The following FLOT2 variants were observed in gnomAD, a reference collection of about 807,000 sequenced individuals.
FLOT2 encodes the protein flotillin 2, also known as flotillin-2.
FLOT2 carries 35 observed loss-of-function variants against 54.9 expected under a neutral mutation model. That is an observed-to-expected ratio of 0.64 (90% CI 0.49 to 0.84). The LOEUF is 0.84. Among genes scored for constraint, FLOT2 ranks in the 40% least tolerant of loss-of-function variants. FLOT2 has a pLI of 0.00. For missense variants in FLOT2, 464 were observed against 572.1 expected, an observed-to-expected ratio of 0.81 and a Z score of 1.93; for synonymous variants, 207 against 228.9, an observed-to-expected ratio of 0.90 and a Z score of 0.86.
intron 1 of FLOT2, among the ~76,000 whole-genome samples, chr17:28,891,651 G>A (rs1012145505): frequency 5.9e-5 from 9 of 152,220 alleles, no homozygotes; most frequent in African/African-American, 2.2e-4. Flanking sequence ...CTTCAAATGA[G>A]GCTGGTATGA....
chr17:28,895,410 C>T (rs748841978), intron 1 of FLOT2, among the ~76,000 whole-genome samples: 1 of 151,818 alleles, frequency 6.6e-6, no homozygotes, highest in African/African-American at 2.4e-5. Context: ...TACAAGCGTG[C>T]ATCACTATGC....
In FLOT2 at chr17:28,882,346, T is replaced by C. The variant is rs1231708523; in HGVS notation, c.570A>G (p.Ala190=). 1.9e-6 allele frequency: 3 copies of C among 1,613,828 alleles called. No homozygotes were observed. In the African/African-American group the frequency reaches 4.0e-5, roughly 22 times the overall value. Residue 190 remains alanine (A), a synonymous_variant, in exon 6 of 11, where the codon GCA becomes GCG. Transcript: ENST00000394908. The surrounding 1 kb of genome is among the most constrained non-coding windows in gnomAD (Gnocchi z 5.6). ...CCTTGAACCCACATACCCGGATGCCTGCGTCCCGTTCAGCCTCGGCCACGC... is the reference window on the plus strand; with the variant it reads ...CCTTGAACCCACATACCCGGATGCCCGCGTCCCGTTCAGCCTCGGCCACGC... ...DIGVAEAERD[A]GIREAECKKE...
At chr17:28,885,644 G>A in intron 2 of FLOT2, 1 of 717,548 alleles carries the variant, frequency 1.4e-6, no homozygotes, top group Non-Finnish European at 2.6e-6. Flanking sequence ...AGAATCCCTT[G>A]CTGTTTCCCC....
In FLOT2 at chr17:28,884,924, T is replaced by A. The variant is rs1328163049; in HGVS notation, c.132-609A>T. Among the ~76,000 whole-genome samples, 1 of 152,156 alleles carries A rather than the reference T, an allele frequency of 6.6e-6. No homozygotes were observed. Among genetic ancestry groups the A allele is most frequent in the Non-Finnish European group, 1.5e-5 (1 of 68,010 alleles). ...TTGACTTGAAACCCATGTCTGGTAT[T>A]AGGCCCAGGTGGGTCACATGGGGAA... On this transcript the variant is annotated intron_variant, in intron 2 of 10. Coordinates refer to ENST00000394908, the MANE Select transcript of FLOT2 (RefSeq NM_004475.3). This position sits in a 1 kb window ranked among gnomAD's most constrained non-coding sequence, Gnocchi z 5.1.
rs944737263 is a variant in FLOT2 at position 28,897,611 on chromosome 17, G to C, written c.-37C>G. On this transcript the variant is annotated 5_prime_UTR_variant, in exon 1 of 11. Coordinates refer to ENST00000394908, the MANE Select transcript of FLOT2 (RefSeq NM_004475.3). The surrounding 1 kb of genome is among the most constrained non-coding windows in gnomAD (Gnocchi z 4.4). ...CACGGAGGGCCCTCGGGACCGCACA[G>C]ACCCGGACAACAGCAGCGGGTCTGC... 9 of 1,525,878 alleles carry C rather than the reference G, an allele frequency of 5.9e-6. No homozygotes were observed. Among genetic ancestry groups the C allele is most frequent in the Admixed American group, 4.1e-5 (2 of 48,990 alleles). 94.5% of individuals were successfully genotyped at this position (1,525,878 alleles called of 1,614,324 possible).
chr17:28,883,144 G>GGAC lies in FLOT2; in HGVS notation c.307_309dup (p.Val103dup), dbSNP rs1277979883. 1.2e-6 allele frequency: 2 copies of GGAC among 1,614,156 alleles called. No homozygotes were observed. Among genetic ancestry groups the GGAC allele is most frequent in the Non-Finnish European group, 1.7e-6 (2 of 1,180,016 alleles). Reference sequence around the variant, plus strand: ...CGCAGATGTCCCTCCAGGGTCTGCAGGACGACGTTTTTGATGTCCTGCACA... The same window carrying GGAC: ...CGCAGATGTCCCTCCAGGGTCTGCAGGACGACGACGTTTTTGATGTCCTGCACA... On this transcript the variant is annotated inframe_insertion, in exon 4 of 11. Coordinates refer to ENST00000394908, the MANE Select transcript of FLOT2 (RefSeq NM_004475.3). The surrounding 1 kb of genome is among the most constrained non-coding windows in gnomAD (Gnocchi z 5.0).
In FLOT2 at chr17:28,884,087, C is replaced by T; in HGVS notation, c.222+138G>A. On this transcript the variant is annotated intron_variant, in intron 3 of 10. Transcript: ENST00000394908. The surrounding 1 kb of genome is among the most constrained non-coding windows in gnomAD (Gnocchi z 5.1). ...TTCCAGTGGCGACGACCTGACTAGC[C>T]CTCTCTTGTGGGACTTGCGGGGGCT... 2.8e-6 allele frequency: 2 copies of T among 716,660 alleles called. No homozygotes were observed. Among genetic ancestry groups the T allele is most frequent in the Non-Finnish European group, 4.9e-6 (2 of 404,104 alleles). The allele number at this position is 716,660 out of a possible 1,614,324, so 44.4% of individuals were successfully genotyped here. A position where few individuals can be genotyped will look rare whatever the true frequency, so the allele number is the denominator to read the frequency against.
At chr17:28,890,612 T>G (rs1006903974) in intron 1 of FLOT2, among the ~76,000 whole-genome samples, 9 of 152,144 alleles carry the variant, frequency 5.9e-5, no homozygotes, top group Admixed American at 3.3e-4. Flanking sequence ...GGTCACGATC[T>G]CCTAACCTCA....
rs987595249 is a variant in FLOT2, at chr17:28,897,430, GGTGGACTCAGGCCCAGCTCTTCCCC to G, written c.49+71_49+95del. 36 of 1,221,220 alleles carry G rather than the reference GGTGGACTCAGGCCCAGCTCTTCCCC, an allele frequency of 2.9e-5. No homozygotes were observed. The highest frequency in any genetic ancestry group is 7.9e-5 in the African/African-American group (5 of 63,510). 75.6% of individuals were successfully genotyped at this position (1,221,220 alleles called of 1,614,324 possible). On this transcript the variant is annotated intron_variant, in intron 1 of 10. Coordinates refer to ENST00000394908, the MANE Select transcript of FLOT2 (RefSeq NM_004475.3). This position sits in a 1 kb window ranked among gnomAD's most constrained non-coding sequence, Gnocchi z 4.4. ...CGGGGGCCAGCGCCCTGCGCCGCGC[GGTGGACTCAGGCCCAGCTCTTCCCC>G]GTGCACTCCCCAGCCCTGCACCCAC...
rs761836414 is a variant in FLOT2, at chr17:28,880,721, G to A, written c.1240C>T (p.Leu414=). The A allele has an allele frequency of 8.7e-6, 14 of 1,614,234 alleles. No individual in the cohort carries two copies. The South Asian group carries it at 1.5e-4, about 18-fold the overall frequency. The change falls in exon 10 of 11, where the codon CTG becomes TTG. Residue 414 remains leucine, a synonymous_variant. Coordinates refer to ENST00000394908, the MANE Select transcript of FLOT2 (RefSeq NM_004475.3). ...GCTAGGCAGGCACATACCTTAGACA[G>A]GTCCACGCCTGTGAGGGCATGCACA... ...ASVHALTGVD[L]SKIPLIKKAT...
In FLOT2 at chr17:28,880,260, G is replaced by C; in HGVS notation, c.*301C>G. Reference sequence around the variant, plus strand: ...AGAGTGATTGTAATAAACATCTTCAGCTTAATCTACATGATGTGCATGGGG... The same window carrying C: ...AGAGTGATTGTAATAAACATCTTCACCTTAATCTACATGATGTGCATGGGG... On this transcript the variant is annotated 3_prime_UTR_variant, in exon 11 of 11. Transcript: ENST00000394908. 1 of 1,277,448 alleles carries C rather than the reference G, an allele frequency of 7.8e-7. No individual in the cohort carries two copies. Among genetic ancestry groups the C allele is most frequent in the South Asian group, 2.0e-5 (1 of 49,674 alleles). The allele number at this position is 1,277,448 out of a possible 1,614,324, so 79.1% of individuals were successfully genotyped here.
intron 1 of FLOT2, among the ~76,000 whole-genome samples, chr17:28,891,201 TCA>T (rs1362696886): frequency 6.6e-6 from 1 of 152,198 alleles, no homozygotes; most frequent in African/African-American, 2.4e-5. Flanking sequence ...ATTTCCATGT[TCA>T]CAAAGTTAGG....
Position 28,880,725 on chromosome 17 carries a change from C to T in FLOT2, c.1236G>A (p.Val412=). The part of the protein sequence containing the change: ...LPASVHALTG[V]DLSKIPLIKK... ...GGCAGGCACATACCTTAGACAGGTC[C>T]ACGCCTGTGAGGGCATGCACAGAGG... Residue 412 remains valine (V), a synonymous_variant, in exon 10 of 11, where the codon GTG becomes GTA. Transcript: ENST00000394908. The T allele has an allele frequency of 6.2e-7, 1 of 1,614,204 alleles. No homozygotes were observed. Among genetic ancestry groups the T allele is most frequent in the East Asian group, 2.2e-5 (1 of 44,890 alleles).
Position 28,882,478 on chromosome 17 carries a change from T to A in FLOT2, c.466-28A>T, listed in dbSNP as rs774395363. The A allele has an allele frequency of 2.0e-5, 32 of 1,607,040 alleles. No homozygotes were observed. The highest frequency in any genetic ancestry group is 2.6e-5 in the Non-Finnish European group (31 of 1,173,942). On this transcript the variant is annotated intron_variant, in intron 5 of 10. Transcript: ENST00000394908. The surrounding 1 kb of genome is among the most constrained non-coding windows in gnomAD (Gnocchi z 5.6). Reference sequence around the variant, plus strand: ...GGGGAGGGAAGGGGGTATCAGAGGCTCAAAGGAGCAGCCAGAGGCACAAAG... The same window carrying A: ...GGGGAGGGAAGGGGGTATCAGAGGCACAAAGGAGCAGCCAGAGGCACAAAG...
rs906807818 is a variant in FLOT2, at chr17:28,883,704, G to A, written c.223-473C>T. On this transcript the variant is annotated intron_variant, in intron 3 of 10. Transcript: ENST00000394908. This position sits in a 1 kb window ranked among gnomAD's most constrained non-coding sequence, Gnocchi z 5.0. ...TCTTGAGTTACTCAGCCAACCCCTCGCCGAGGCCTACAGCATGGCTGAACC... is the reference window on the plus strand; with the variant it reads ...TCTTGAGTTACTCAGCCAACCCCTCACCGAGGCCTACAGCATGGCTGAACC... Among the ~76,000 whole-genome samples, 6 of 152,154 alleles carry A rather than the reference G, an allele frequency of 3.9e-5. No individual in the cohort carries two copies. The highest frequency in any genetic ancestry group is 7.3e-5 in the Non-Finnish European group (5 of 68,028).
chr17:28,894,615 CCTTT>C (rs1221145588), intron 1 of FLOT2, among the ~76,000 whole-genome samples: 1 of 115,514 alleles, frequency 8.7e-6, no homozygotes, highest in Non-Finnish European at 1.7e-5. Flanking sequence ...CAGAGCAAGA[CCTTT>C]TTTTTTTTTT....
intron 8 of FLOT2, 147 bp downstream of exon 8, chr17:28,881,667 T>C: frequency 1.3e-6 from 1 of 743,036 alleles, no homozygotes; most frequent in Non-Finnish European, 2.2e-6. Context: ...ACAGGGGACA[T>C]GGGGTTATCC....
In FLOT2 at chr17:28,880,574, C is replaced by T. The variant is rs751505577; in HGVS notation, c.1274G>A (p.Gly425Asp). 5 of 1,613,924 alleles carry T rather than the reference C, an allele frequency of 3.1e-6. No homozygotes were observed. The highest frequency in any genetic ancestry group is 3.4e-6 in the Non-Finnish European group (4 of 1,180,012). ...SKIPLIKKATGVQV is the reference protein window; with the variant it reads ...SKIPLIKKATDVQV ...CCTGCAGGAGCCTCACACCTGCACA[C>T]CAGTGGCCTTCTTGATCAGGGGTAT... The change falls in exon 11 of 11, where the codon GGT becomes GAT. Residue 425 changes from glycine to aspartate, a missense_variant. By Grantham distance (94) the Gly-to-Asp change is moderately conservative. Transcript: ENST00000394908.
intron 2 of FLOT2, among the ~76,000 whole-genome samples, chr17:28,885,433 A>T (rs1041741115): frequency 5.3e-5 from 8 of 152,240 alleles, no homozygotes; most frequent in Admixed American, 4.6e-4. Flanking sequence ...TCGCTCCTGC[A>T]GTCCACATGC....
Sources: allele counts gnomAD v4.1 joint callset (sites outside exome capture counted in the v4.1 genomes callset), GRCh38; gene constraint gnomAD v4.1.1; non-coding constraint Gnocchi (gnomAD v3.1); transcripts MANE v1.5; gene names NCBI Gene and HGNC (gene_info 2026-07-23, HGNC 2026-07-21).